The following KCNIP4 variants were observed in gnomAD, a reference collection of about 807,000 sequenced individuals.
The protein encoded by KCNIP4 is Kv channel-interacting protein 4.
Under a neutral mutation model 34.0 loss-of-function variants are expected in KCNIP4, and 12 were observed. The observed-to-expected ratio is 0.35, with a 90% CI of 0.23 to 0.57. The LOEUF (loss-of-function observed/expected upper bound fraction) is 0.57, where lower values mean the gene tolerates loss of function less well. Among genes scored for constraint, KCNIP4 ranks in the 20% least tolerant of loss-of-function variants. The pLI, the probability that KCNIP4 is intolerant of heterozygous loss-of-function variation, is 0.83. For missense variants in KCNIP4, 238 were observed against 311.7 expected (o/e 0.76, Z 1.78); for synonymous variants, 124 against 102.2 (o/e 1.21, Z -1.29).
At position 21,472,556 on chromosome 4, in the gene KCNIP4, T is replaced by A. The variant is rs533690697; in HGVS notation, c.61+476015A>T. ...ATGAGGTTTTTGAGGGTAGTTTCCA[T>A]GTTTGGAAAAATATGGATTATATAG... On this transcript the variant is annotated intron_variant, in intron 1 of 8. Coordinates refer to ENST00000382152, the MANE Select transcript of KCNIP4 (RefSeq NM_025221.6). Among the ~76,000 whole-genome samples the A allele has an allele frequency of 5.9e-5, 9 of 152,306 alleles. No individual in the cohort carries two copies. In the South Asian group the frequency reaches 1.7e-3, roughly 28 times the overall value.
intron 1 of KCNIP4, among the ~76,000 whole-genome samples, chr4:21,568,709 T>A (rs1430963370): frequency 1.3e-5 from 2 of 152,146 alleles, no homozygotes; most frequent in East Asian, 3.9e-4. Flanking sequence ...CTGTGGCCTT[T>A]GGCCACAGAC....
rs370221492 is a variant in KCNIP4, at chr4:20,863,651, A to C, written c.164-12984T>G. Reference sequence around the variant, plus strand: ...CCCAAGGTTAGTTCAGCCTACGCCCAGGAATGAACAAGGACAGCTTAAAGG... The same window carrying C: ...CCCAAGGTTAGTTCAGCCTACGCCCCGGAATGAACAAGGACAGCTTAAAGG... On this transcript the variant is annotated intron_variant, in intron 2 of 8. Transcript: ENST00000382152. 1.4e-3 allele frequency among the ~76,000 whole-genome samples: 212 copies of C among 152,266 alleles called. 1 individual carries two copies. Among genetic ancestry groups the C allele is most frequent in the African/African-American group, 4.9e-3 (203 of 41,578 alleles).
rs142195217 is a variant in KCNIP4, at chr4:21,563,570, A to G, written c.61+385001T>C. Reference sequence around the variant, plus strand: ...TTAATGAATGGGTGCTCTGTTCATCACTTACCAATCTAATATTTAATGAGC... The same window carrying G: ...TTAATGAATGGGTGCTCTGTTCATCGCTTACCAATCTAATATTTAATGAGC... On this transcript the variant is annotated intron_variant, in intron 1 of 8. Coordinates refer to ENST00000382152, the MANE Select transcript of KCNIP4 (RefSeq NM_025221.6). Among the ~76,000 whole-genome samples the G allele has an allele frequency of 8.7e-4, 133 of 152,292 alleles. 1 individual carries two copies. Among genetic ancestry groups the G allele is most frequent in the African/African-American group, 3.0e-3 (126 of 41,586 alleles).
intron 2 of KCNIP4, among the ~76,000 whole-genome samples, chr4:20,869,028 T>A (rs1252809757): frequency 6.6e-6 from 1 of 152,128 alleles, no homozygotes; most frequent in Non-Finnish European, 1.5e-5. Flanking sequence ...AATGTATTTA[T>A]GCAAAATATC....
At chr4:20,894,498 G>A (rs13128152) in intron 1 of KCNIP4, among the ~76,000 whole-genome samples, 14,740 of 152,056 alleles carry the variant, frequency 0.097, 766 homozygotes, top group South Asian at 0.21. Flanking sequence ...TATTTGAAGG[G>A]ATTTTCAGGA....
chr4:21,252,040 G>A (rs76388204), intron 1 of KCNIP4, among the ~76,000 whole-genome samples: 3,251 of 148,302 alleles, frequency 0.022, 84 homozygotes, highest in East Asian at 0.16. Context: ...AATATAATGG[G>A]AAAAAAAACA....
At chr4:21,382,367 A>C in intron 1 of KCNIP4, among the ~76,000 whole-genome samples, 1 of 152,200 alleles carries the variant, frequency 6.6e-6, no homozygotes, top group East Asian at 1.9e-4. Context: ...TGTTAAAAGA[A>C]GAATCACTCA....
chr4:20,928,084 T>C (rs537345885), intron 1 of KCNIP4, among the ~76,000 whole-genome samples: 2 of 152,172 alleles, frequency 1.3e-5, no homozygotes, highest in African/African-American at 4.8e-5. Context: ...ATTAGAGGCA[T>C]AAAAATGTTC....
At chr4:21,080,515 C>A (rs951654648) in intron 1 of KCNIP4, among the ~76,000 whole-genome samples, 5 of 151,598 alleles carry the variant, frequency 3.3e-5, no homozygotes, top group Non-Finnish European at 7.4e-5. Context: ...TTATGCTTAC[C>A]TTTACAAATT....
intron 1 of KCNIP4, among the ~76,000 whole-genome samples, chr4:21,063,133 G>A (rs1228993341): frequency 6.6e-6 from 1 of 152,076 alleles, no homozygotes; most frequent in Non-Finnish European, 1.5e-5. Context: ...AGATGCTAGG[G>A]AGAGGCAGGG....
At chr4:21,498,368 CTCTT>C (rs1733022879) in intron 1 of KCNIP4, among the ~76,000 whole-genome samples, 1 of 152,182 alleles carries the variant, frequency 6.6e-6, no homozygotes, top group East Asian at 1.9e-4. Context: ...TGTTTGTACA[CTCTT>C]TCTGCTAGTG....
chr4:21,381,144 C>T lies in KCNIP4; in HGVS notation c.62-498435G>A, dbSNP rs532007046. 5.2e-4 allele frequency among the ~76,000 whole-genome samples: 79 copies of T among 152,274 alleles called. 1 individual carries two copies. In the South Asian group the frequency reaches 0.011, roughly 22 times the overall value. On this transcript the variant is annotated intron_variant, in intron 1 of 8. Transcript: ENST00000382152. Reference sequence around the variant, plus strand: ...TGTGCCTTCGTTAATAACTAAATGTCGGTGTGAGAGAAGGGACGAGATGTC... The same window carrying T: ...TGTGCCTTCGTTAATAACTAAATGTTGGTGTGAGAGAAGGGACGAGATGTC...
intron 1 of KCNIP4, among the ~76,000 whole-genome samples, chr4:21,793,447 A>G (rs1720424625): frequency 6.6e-6 from 1 of 151,908 alleles, no homozygotes; most frequent in South Asian, 2.1e-4. Flanking sequence ...TTGTACAGAT[A>G]AGATTTCACC....
intron 1 of KCNIP4, among the ~76,000 whole-genome samples, chr4:21,643,038 C>A (rs572911743): frequency 1.3e-5 from 2 of 152,094 alleles, no homozygotes; most frequent in South Asian, 4.2e-4. Context: ...TTGCTGATGG[C>A]AAAGAGAATA....
At chr4:21,584,401 C>G (rs898586235) in intron 1 of KCNIP4, among the ~76,000 whole-genome samples, 1 of 151,974 alleles carries the variant, frequency 6.6e-6, no homozygotes, top group African/African-American at 2.4e-5. Context: ...TTATTTTAGT[C>G]ATAAAGAATT....
chr4:20,838,010 A>G (rs941749276), intron 3 of KCNIP4, among the ~76,000 whole-genome samples: 1 of 151,944 alleles, frequency 6.6e-6, no homozygotes, highest in Admixed American at 6.6e-5. Context: ...ATTTTTGTGA[A>G]CCAATTAGTT....
At chr4:21,784,569 C>G (rs1056234908) in intron 1 of KCNIP4, among the ~76,000 whole-genome samples, 1 of 151,982 alleles carries the variant, frequency 6.6e-6, no homozygotes, top group East Asian at 1.9e-4. Flanking sequence ...TTTCTGGAAA[C>G]TAGATAAAAA....
intron 1 of KCNIP4, among the ~76,000 whole-genome samples, chr4:21,581,425 G>T (rs749801776): frequency 6.6e-6 from 1 of 151,896 alleles, no homozygotes; most frequent in South Asian, 2.1e-4. Context: ...CACAATATTC[G>T]GGGGGAGGTA....
chr4:21,555,687 C>CTA, intron 1 of KCNIP4, among the ~76,000 whole-genome samples: 1 of 152,156 alleles, frequency 6.6e-6, no homozygotes, highest in Middle Eastern at 3.4e-3. Context: ...GAGATAAAAA[C>CTA]CAGTTCAGGT....
Sources: gnomAD v4.1 joint callset for allele counts (sites outside exome capture counted in the v4.1 genomes callset) on GRCh38, gnomAD v4.1.1 for gene constraint, MANE v1.5 for transcripts, NCBI Gene and HGNC (gene_info 2026-07-23, HGNC 2026-07-21) for gene names.